NLGN1: variants seen among roughly 807,000 people sequenced by gnomAD.
NLGN1 encodes the protein neuroligin 1.
In NLGN1, 12 loss-of-function variants were observed where a neutral mutation model predicts 65.5. The observed-to-expected ratio is 0.18, with a 90% CI of 0.12 to 0.30. NLGN1 has a LOEUF of 0.30. NLGN1 is among the 10% of genes least tolerant of loss of function. The pLI is 1.00. For missense variants in NLGN1, 750 were observed against 1,007.1 expected, an observed-to-expected ratio of 0.74 and a Z score of 3.46; for synonymous variants, 350 against 359.5, an observed-to-expected ratio of 0.97 and a Z score of 0.30.
Position 174,052,993 on chromosome 3 carries a change from A to G in NLGN1, c.647-222322A>G, listed in dbSNP as rs565772014. Among the ~76,000 whole-genome samples, 23 of 152,140 alleles carry G rather than the reference A, an allele frequency of 1.5e-4. No homozygotes were observed. The South Asian group carries it at 4.8e-3, about 32-fold the overall frequency. On this transcript the variant is annotated intron_variant, in intron 4 of 6. Transcript: ENST00000457714. ...ATTGCTACCTGTTCCTATGAAGGCC[A>G]TTATGGAATGATGTTATTTGCACTC...
chr3:173,513,815 C>T (rs1035079229), intron 2 of NLGN1, among the ~76,000 whole-genome samples: 8 of 152,072 alleles, frequency 5.3e-5, no homozygotes, highest in African/African-American at 1.9e-4. Flanking sequence ...CACTTGAGGT[C>T]AGGAGTTCAC....
intron 4 of NLGN1, among the ~76,000 whole-genome samples, chr3:173,852,787 T>G (rs780811066): frequency 1.3e-5 from 2 of 152,228 alleles, no homozygotes; most frequent in Non-Finnish European, 2.9e-5. Context: ...CTTGCTTACA[T>G]TTGTAAAAAT....
In NLGN1 at chr3:173,797,940, G is replaced by A. The variant is rs78335307; in HGVS notation, c.494-9740G>A. Among the ~76,000 whole-genome samples the A allele has an allele frequency of 9.8e-3, 1,487 of 152,146 alleles. 28 individuals carry two copies. Among genetic ancestry groups the A allele is most frequent in the African/African-American group, 0.034 (1,408 of 41,512 alleles). On this transcript the variant is annotated intron_variant, in intron 3 of 6. Transcript: ENST00000457714. ...TAAATACATGTAAAGTATATAGAAAGCACTGGCTCAGTGGCTATATAAGCT... is the reference window on the plus strand; with the variant it reads ...TAAATACATGTAAAGTATATAGAAAACACTGGCTCAGTGGCTATATAAGCT...
At chr3:173,508,560 A>G (rs575275119) in intron 2 of NLGN1, among the ~76,000 whole-genome samples, 2 of 152,254 alleles carry the variant, frequency 1.3e-5, no homozygotes, top group East Asian at 3.9e-4. Context: ...GGGTTGGGGT[A>G]GAGGTACGTG....
At chr3:173,593,010 A>T (rs1018380550) in intron 2 of NLGN1, among the ~76,000 whole-genome samples, 1 of 152,054 alleles carries the variant, frequency 6.6e-6, no homozygotes, top group Non-Finnish European at 1.5e-5. Context: ...GGCACATTCT[A>T]TACCTTGGTT....
At chr3:173,664,518 T>C (rs1406054466) in intron 3 of NLGN1, among the ~76,000 whole-genome samples, 2 of 152,060 alleles carry the variant, frequency 1.3e-5, no homozygotes, top group Non-Finnish European at 2.9e-5. Flanking sequence ...AGGGAACAAT[T>C]AAAAGTGTTA....
intron 2 of NLGN1, among the ~76,000 whole-genome samples, chr3:173,579,429 A>T (rs1227340572): frequency 2.0e-5 from 3 of 152,266 alleles, no homozygotes; most frequent in Non-Finnish European, 4.4e-5. Flanking sequence ...GTGAGCCATG[A>T]TCGTGCCTCT....
Position 173,771,407 on chromosome 3 carries a change from T to C in NLGN1, c.494-36273T>C, listed in dbSNP as rs1269786252. ...AAATCAAACCTATAAGCAGATGTGA[T>C]GATTAGGGTATTTGAGCACATTGAG... On this transcript the variant is annotated intron_variant, in intron 3 of 6. Coordinates refer to ENST00000457714, the Ensembl canonical transcript of NLGN1. Among the ~76,000 whole-genome samples, 5 of 152,312 alleles carry C rather than the reference T, an allele frequency of 3.3e-5. No homozygotes were observed. The South Asian group carries it at 8.3e-4, about 25-fold the overall frequency.
At chr3:173,529,901 G>T (rs753094898) in intron 2 of NLGN1, among the ~76,000 whole-genome samples, 36 of 152,026 alleles carry the variant, frequency 2.4e-4, no homozygotes, top group Non-Finnish European at 1.9e-4. Flanking sequence ...GGTGTCAGTG[G>T]TGTAGAAATG....
intron 1 of NLGN1, among the ~76,000 whole-genome samples, chr3:173,409,483 A>G (rs1031435032): frequency 9.2e-5 from 14 of 152,164 alleles, no homozygotes; most frequent in African/African-American, 3.4e-4. Context: ...CCCCAGGAAA[A>G]TAAATCTAGC....
At chr3:173,715,338 A>G (rs1172417733) in intron 3 of NLGN1, among the ~76,000 whole-genome samples, 1 of 152,182 alleles carries the variant, frequency 6.6e-6, no homozygotes, top group African/African-American at 2.4e-5. Context: ...CATGTGGAAT[A>G]TTTCCACTTG....
rs148691810 is a variant in NLGN1, at chr3:174,266,100, T to G, written c.647-9215T>G. Among the ~76,000 whole-genome samples the G allele has an allele frequency of 5.7e-3, 868 of 151,358 alleles. 21 individuals are homozygous for G. Among genetic ancestry groups the G allele is most frequent in the East Asian group, 0.029 (151 of 5,140 alleles). ...AGGTGCAGTGGCTATATGTGCAGGT[T>G]TGTTACATGGGTAAATTGCATGTCA... On this transcript the variant is annotated intron_variant, in intron 4 of 6. Coordinates refer to ENST00000457714, the Ensembl canonical transcript of NLGN1.
chr3:173,452,559 C>G (rs1577555794), intron 2 of NLGN1, among the ~76,000 whole-genome samples: 1 of 152,174 alleles, frequency 6.6e-6, no homozygotes, highest in African/African-American at 2.4e-5. Context: ...TTGTTGAATA[C>G]TTACAGTATG....
chr3:173,880,869 C>G (rs1733091514), intron 4 of NLGN1, among the ~76,000 whole-genome samples: 1 of 152,096 alleles, frequency 6.6e-6, no homozygotes, highest in Non-Finnish European at 1.5e-5. Flanking sequence ...GAACTTCTTT[C>G]CAAATTGAAG....
At chr3:174,246,580 G>C (rs988061799) in intron 4 of NLGN1, among the ~76,000 whole-genome samples, 8 of 152,052 alleles carry the variant, frequency 5.3e-5, no homozygotes, top group Non-Finnish European at 7.4e-5. Context: ...CACCACACCT[G>C]ATTAATTTTT....
intron 4 of NLGN1, among the ~76,000 whole-genome samples, chr3:174,031,510 G>C (rs1218032738): frequency 2.6e-5 from 4 of 152,078 alleles, no homozygotes; most frequent in Admixed American, 6.5e-5. Flanking sequence ...GACTTTTCAG[G>C]AGAAAACGAC....
In NLGN1 at chr3:173,645,602, G is replaced by A. The variant is rs77481211; in HGVS notation, c.493+40511G>A. On this transcript the variant is annotated intron_variant, in intron 3 of 6. Coordinates refer to ENST00000457714, the Ensembl canonical transcript of NLGN1. ...AGATGGGCCTTGTGGATCCACAATG[G>A]TAACCTAGAGGAAAATTAGTTCCAT... 2.8e-4 allele frequency among the ~76,000 whole-genome samples: 43 copies of A among 152,286 alleles called. No individual in the cohort carries two copies. In the East Asian group the frequency reaches 4.3e-3, roughly 15 times the overall value.
intron 4 of NLGN1, among the ~76,000 whole-genome samples, chr3:173,862,379 G>C (rs1351526001): frequency 6.7e-6 from 1 of 150,032 alleles, no homozygotes; most frequent in South Asian, 2.1e-4. Context: ...AGTGGCGGGC[G>C]CCTGTAGTCC....
intron 2 of NLGN1, among the ~76,000 whole-genome samples, chr3:173,490,747 G>C (rs1293652454): frequency 2.0e-5 from 3 of 152,114 alleles, no homozygotes. Flanking sequence ...TCTTCCATTT[G>C]TTTGTATCCT....
Sources: gnomAD v4.1 joint callset for allele counts (sites outside exome capture counted in the v4.1 genomes callset) on GRCh38, gnomAD v4.1.1 for gene constraint, MANE v1.5 for transcripts, NCBI Gene and HGNC (gene_info 2026-07-23, HGNC 2026-07-21) for gene names.